Variants in OAS2 observed in about 807,000 individuals in gnomAD.
OAS2 encodes the protein 2'-5'-oligoadenylate synthase 2.
A neutral mutation model predicts 71.3 loss-of-function variants in OAS2; 67 were observed. That is an observed-to-expected ratio of 0.94 (90% CI 0.77 to 1.15). The LOEUF is 1.15. Among genes scored for constraint, OAS2 ranks in the 50% most tolerant of loss-of-function variants. The pLI is 0.00. For synonymous variants in OAS2, 327 were observed against 321.8 expected, an observed-to-expected ratio of 1.02 and a Z score of -0.17; for missense variants, 789 against 822.5, an observed-to-expected ratio of 0.96 and a Z score of 0.50.
At chr12:113,002,228 T>C (rs1353846718) in intron 5 of OAS2, among the ~76,000 whole-genome samples, 1 of 152,078 alleles carries the variant, frequency 6.6e-6, no homozygotes, top group Non-Finnish European at 1.5e-5. Context: ...AATTAAAAAT[T>C]AAAATTAAGA....
chr12:112,990,791 G>A (rs1400243780), intron 2 of OAS2, among the ~76,000 whole-genome samples: 1 of 152,122 alleles, frequency 6.6e-6, no homozygotes, highest in African/African-American at 2.4e-5. Flanking sequence ...TCAGTCTTGG[G>A]GTCTCTATTT....
At position 112,998,263 on chromosome 12, in the gene OAS2, C is replaced by G. The variant is rs767765739; in HGVS notation, c.864-3C>G. 14 of 1,611,818 alleles carry G rather than the reference C, an allele frequency of 8.7e-6. No individual in the cohort carries two copies. In the South Asian group the frequency reaches 1.3e-4, roughly 15 times the overall value. ...ACTTTTTTTAATCTAATGGAATACACAGGCCAGTAATCTTGGATCCAGTTG... is the reference window on the plus strand; with the variant it reads ...ACTTTTTTTAATCTAATGGAATACAGAGGCCAGTAATCTTGGATCCAGTTG... On this transcript the variant is annotated splice_region_variant and splice_polypyrimidine_tract_variant and intron_variant, in intron 4 of 9. Transcript: ENST00000392583.
intron 1 of OAS2, among the ~76,000 whole-genome samples, chr12:112,983,630 C>CT (rs1238699766): frequency 6.6e-6 from 1 of 152,022 alleles, no homozygotes; most frequent in Non-Finnish European, 1.5e-5. Flanking sequence ...TGCTGTATCC[C>CT]TTAGGTTTTG....
At chr12:113,001,098 C>T (rs894207510) in intron 5 of OAS2, among the ~76,000 whole-genome samples, 3 of 152,128 alleles carry the variant, frequency 2.0e-5, no homozygotes, top group Non-Finnish European at 4.4e-5. Context: ...AATCCCAACA[C>T]TTTGGGAGGC....
chr12:112,985,210 C>T (rs570474508), intron 1 of OAS2, among the ~76,000 whole-genome samples: 14 of 149,732 alleles, frequency 9.4e-5, no homozygotes, highest in Middle Eastern at 3.4e-3. Context: ...AGACATGGGA[C>T]GTTTTCAGCT....
At chr12:113,008,968 G>C in intron 9 of OAS2, 119 bp from the exon 10 acceptor site, 2 of 1,482,562 alleles carry the variant, frequency 1.3e-6, no homozygotes, top group Non-Finnish European at 1.8e-6. Context: ...AATTTGAGTT[G>C]CTGACATCTA....
intron 1 of OAS2, among the ~76,000 whole-genome samples, chr12:112,982,152 A>G (rs774115119): frequency 5.3e-5 from 8 of 152,100 alleles, no homozygotes; most frequent in Non-Finnish European, 1.2e-4. Context: ...TTTTCTGTAT[A>G]GAAGATCATA....
At chr12:113,000,084 T>C (rs1431192404) in intron 5 of OAS2, among the ~76,000 whole-genome samples, 1 of 152,038 alleles carries the variant, frequency 6.6e-6, no homozygotes, top group African/African-American at 2.4e-5. Context: ...CCTTTGAGAG[T>C]AGACTGCCAG....
At chr12:113,005,903 A>AAACAACAAC (rs576604857) in intron 7 of OAS2, among the ~76,000 whole-genome samples, 1,689 of 46,208 alleles carry the variant, frequency 0.037, 214 homozygotes, top group Middle Eastern at 0.087. Context: ...AAAAAGCAAA[A>AAACAACAAC]AACAACAACA....
intron 7 of OAS2, 93 bp from the exon 8 acceptor site, chr12:113,006,320 T>A: frequency 9.1e-7 from 1 of 1,103,066 alleles, no homozygotes; most frequent in Non-Finnish European, 1.3e-6. Context: ...CACAGTAATT[T>A]CCAAGAATTA....
intron 2 of OAS2, 196 bp downstream of exon 2, chr12:112,987,504 T>C: frequency 7.0e-7 from 1 of 1,422,190 alleles, no homozygotes; most frequent in Non-Finnish European, 9.2e-7. Flanking sequence ...CCCCATACCC[T>C]GATTGTCTTT....
At chr12:112,993,643 G>A (rs548601925) in intron 2 of OAS2, among the ~76,000 whole-genome samples, 1 of 152,208 alleles carries the variant, frequency 6.6e-6, no homozygotes, top group Non-Finnish European at 1.5e-5. Flanking sequence ...ACTTTGGAAG[G>A]CCAAGGTGGG....
At chr12:112,980,994 A>C (rs1177738462) in intron 1 of OAS2, among the ~76,000 whole-genome samples, 1 of 151,970 alleles carries the variant, frequency 6.6e-6, no homozygotes, top group African/African-American at 2.4e-5. Flanking sequence ...TCATATACCC[A>C]TTGGCCATTT....
chr12:112,998,132 C>G, intron 4 of OAS2, 134 bp from the exon 5 acceptor site: 1 of 930,546 alleles, frequency 1.1e-6, no homozygotes, highest in Non-Finnish European at 1.6e-6. Context: ...GACAAAATCC[C>G]TCAGCAGCTT....
At chr12:112,998,528 TC>T in intron 5 of OAS2, 118 bp downstream of exon 5, 1 of 1,150,896 alleles carries the variant, frequency 8.7e-7, no homozygotes, top group Non-Finnish European at 1.2e-6. Context: ...GTTACAAAGT[TC>T]CACAACACAG....
chr12:113,005,059 C>T lies in OAS2; in HGVS notation c.1305C>T (p.Ile435=), dbSNP rs1310725602. 2 of 1,614,026 alleles carry T rather than the reference C, an allele frequency of 1.2e-6. No individual in the cohort carries two copies. The highest frequency in any genetic ancestry group is 1.3e-5 in the African/African-American group (1 of 74,912). The change falls in exon 7 of 10, where the codon ATC becomes ATT. Residue 435 remains isoleucine, a synonymous_variant. Transcript: ENST00000392583. ...AGCGGCACAAAATCGTCAAGGAAAT[C>T]CATGAACAGCTGAAAGCCTTTTGGA... ...KNERHKIVKE[I]HEQLKAFWRE...
intron 1 of OAS2, among the ~76,000 whole-genome samples, chr12:112,986,580 C>T (rs1251181029): frequency 7.9e-5 from 12 of 152,058 alleles, no homozygotes; most frequent in African/African-American, 1.2e-4. Flanking sequence ...GTAAAGAGGA[C>T]GGGTTAATCT....
chr12:112,996,841 C>A (rs1158316917), intron 3 of OAS2, among the ~76,000 whole-genome samples: 2 of 152,166 alleles, frequency 1.3e-5, no homozygotes, highest in Admixed American at 6.5e-5. Flanking sequence ...ATGGGCGAAG[C>A]TTTATCTAAA....
intron 2 of OAS2, among the ~76,000 whole-genome samples, chr12:112,988,969 A>G (rs1390694514): frequency 6.6e-6 from 1 of 152,178 alleles, no homozygotes; most frequent in South Asian, 2.1e-4. Context: ...TGAAGGATGT[A>G]CCCATGACAC....
Sources: gnomAD v4.1 joint callset for allele counts (sites outside exome capture counted in the v4.1 genomes callset) on GRCh38, gnomAD v4.1.1 for gene constraint, MANE v1.5 for transcripts, NCBI Gene and HGNC (gene_info 2026-07-23, HGNC 2026-07-21) for gene names.